The following IL19 variants were observed in gnomAD, a reference collection of about 807,000 sequenced individuals.
IL19 encodes interleukin 19.
Under a neutral mutation model 19.5 loss-of-function variants are expected in IL19, and 15 were observed. The observed-to-expected ratio is 0.77, with a 90% CI of 0.52 to 1.19. IL19 has a LOEUF of 1.19. Among genes scored for constraint, IL19 ranks in the 50% most tolerant of loss-of-function variants. The pLI is 0.00. For synonymous variants in IL19, 78 were observed against 78.3 expected (o/e 1.00, Z 0.02); for missense variants, 199 against 213.1 (o/e 0.93, Z 0.41).
chr1:206,774,175 C>G (rs976900665), intron 1 of IL19, among the ~76,000 whole-genome samples: 9 of 152,194 alleles, frequency 5.9e-5, no homozygotes, highest in African/African-American at 2.2e-4. Flanking sequence ...CCACGCCCAC[C>G]CTGTGGATGT....
intron 1 of IL19, among the ~76,000 whole-genome samples, chr1:206,791,075 G>T (rs1315211288): frequency 6.6e-6 from 1 of 152,212 alleles, no homozygotes; most frequent in African/African-American, 2.4e-5. Context: ...TGCTGATCAA[G>T]ATACGAAGAT....
intron 2 of IL19, among the ~76,000 whole-genome samples, chr1:206,815,622 T>A (rs1676136254): frequency 6.6e-6 from 1 of 152,164 alleles, no homozygotes; most frequent in Non-Finnish European, 1.5e-5. Flanking sequence ...GAGATTAACA[T>A]CAGCAAAATA....
chr1:206,771,177 C>A (rs1674824845), intron 1 of IL19, 99 bp downstream of exon 1: 1 of 1,272,460 alleles, frequency 7.9e-7, no homozygotes, highest in African/African-American at 1.5e-5. Flanking sequence ...CCAGAAGCCT[C>A]CCCGAAGGGA....
intron 1 of IL19, 88 bp downstream of exon 1, chr1:206,771,166 AC>A: frequency 1.5e-6 from 2 of 1,331,710 alleles, no homozygotes; most frequent in Non-Finnish European, 2.2e-6. Context: ...ATCCTCCTTC[AC>A]CAGAAGCCTC....
chr1:206,796,078 T>C (rs1675516134), intron 1 of IL19, among the ~76,000 whole-genome samples: 1 of 151,998 alleles, frequency 6.6e-6, no homozygotes, highest in Non-Finnish European at 1.5e-5. Context: ...CGAAGGCCAG[T>C]TGGAGAGTCC....
At chr1:206,826,195 G>C (rs1195106929) in intron 2 of IL19, among the ~76,000 whole-genome samples, 1 of 152,170 alleles carries the variant, frequency 6.6e-6, no homozygotes, top group Non-Finnish European at 1.5e-5. Flanking sequence ...ATTCCTAGAG[G>C]AATTGTACCT....
rs1316791210 is a variant in IL19, at chr1:206,795,925, A to ATGTG, written c.-148-2935_-148-2934insGTGT. Reference sequence around the variant, plus strand: ...AGAAACAGAACCAATATAAATATATATATGTGTGTGTGTGTGTGTGTGTGT... The same window carrying ATGTG: ...AGAAACAGAACCAATATAAATATATATGTGTATGTGTGTGTGTGTGTGTGTGTGT... On this transcript the variant is annotated intron_variant, in intron 1 of 6. Transcript: ENST00000659997. Among the ~76,000 whole-genome samples the ATGTG allele has an allele frequency of 8.9e-3, 1,171 of 132,292 alleles. 15 individuals carry two copies. The highest frequency in any genetic ancestry group is 0.028 in the African/African-American group (935 of 33,984). 86.8% of individuals were successfully genotyped at this position (132,292 alleles called of 152,430 possible).
intron 1 of IL19, among the ~76,000 whole-genome samples, chr1:206,792,317 T>C (rs1229329602): frequency 6.6e-6 from 1 of 152,140 alleles, no homozygotes; most frequent in African/African-American, 2.4e-5. Context: ...CTCATACCCC[T>C]CTGCCCCTCC....
chr1:206,841,051 C>CA lies in IL19; in HGVS notation c.412dup (p.Arg138LysfsTer5). 1 of 1,614,056 alleles carries CA rather than the reference C, an allele frequency of 6.2e-7. No individual in the cohort carries two copies. The highest frequency in any genetic ancestry group is 8.5e-7 in the Non-Finnish European group (1 of 1,179,910). ...GCAGGCAGGAAGCCACCAATGCCACCAGAGTCATCCATGACAACTATGATC... is the reference window on the plus strand; with the variant it reads ...GCAGGCAGGAAGCCACCAATGCCACCAAGAGTCATCCATGACAACTATGATC... On this transcript the variant is annotated frameshift_variant, in exon 6 of 7. Transcript: ENST00000659997. LOFTEE classifies it low-confidence loss of function (END_TRUNC).
At chr1:206,819,519 G>A (rs970830643) in intron 2 of IL19, among the ~76,000 whole-genome samples, 9 of 151,854 alleles carry the variant, frequency 5.9e-5, no homozygotes, top group African/African-American at 1.7e-4. Flanking sequence ...GGGAGGCGGA[G>A]GTTGCAGTGA....
At chr1:206,782,306 T>C (rs6686931) in intron 1 of IL19, among the ~76,000 whole-genome samples, 109,062 of 151,914 alleles carry the variant, frequency 0.72, 39,761 homozygotes, top group Non-Finnish European at 0.79. Context: ...ACAACTGCTC[T>C]TACATGCGGT....
chr1:206,821,323 A>C (rs1241959950), intron 2 of IL19, among the ~76,000 whole-genome samples: 1 of 152,254 alleles, frequency 6.6e-6, no homozygotes, highest in East Asian at 1.9e-4. Context: ...ACTGGACATA[A>C]GATTAAATGA....
rs182621062 is a variant in IL19 at position 206,793,554 on chromosome 1, C to T, written c.-148-5307C>T. 4.6e-5 allele frequency among the ~76,000 whole-genome samples: 7 copies of T among 152,332 alleles called. No individual in the cohort carries two copies. In the East Asian group the frequency reaches 1.4e-3, roughly 29 times the overall value. On this transcript the variant is annotated intron_variant, in intron 1 of 6. Transcript: ENST00000659997. Reference sequence around the variant, plus strand: ...TCTGTCAAGGTGCTGCTCGGAGAGTCAAAGAGGCTGCAGCAGGCAATCCCC... The same window carrying T: ...TCTGTCAAGGTGCTGCTCGGAGAGTTAAAGAGGCTGCAGCAGGCAATCCCC...
At chr1:206,835,327 G>C (rs899181113) in intron 2 of IL19, among the ~76,000 whole-genome samples, 1 of 152,226 alleles carries the variant, frequency 6.6e-6, no homozygotes, top group Non-Finnish European at 1.5e-5. Flanking sequence ...TAGCCAGAAA[G>C]AGAGGTTGAT....
chr1:206,781,414 C>CAAAAAAAAAAAAAAAAAA (rs57060549), intron 1 of IL19, among the ~76,000 whole-genome samples: 25 of 43,022 alleles, frequency 5.8e-4, no homozygotes, highest in African/African-American at 1.1e-3. Context: ...GACTCTGTCT[C>CAAAAAAAAAAAAAAAAAA]AAAAAAAAAA....
chr1:206,835,683 G>A (rs944819020), intron 2 of IL19, among the ~76,000 whole-genome samples: 1 of 152,286 alleles, frequency 6.6e-6, no homozygotes, highest in Non-Finnish European at 1.5e-5. Context: ...AGATCTCAGT[G>A]GGCACCATGC....
intron 2 of IL19, among the ~76,000 whole-genome samples, chr1:206,811,738 A>G (rs1220200970): frequency 2.0e-5 from 3 of 152,136 alleles, no homozygotes; most frequent in East Asian, 3.9e-4. Flanking sequence ...TAGCTTGCCA[A>G]CTAAAGTAAG....
At chr1:206,786,021 G>T (rs1292326640) in intron 1 of IL19, among the ~76,000 whole-genome samples, 2 of 152,042 alleles carry the variant, frequency 1.3e-5, no homozygotes, top group East Asian at 3.9e-4. Context: ...CTTGGGGTGG[G>T]GAAGTGAAAG....
chr1:206,782,454 G>C (rs1675170264), intron 1 of IL19, among the ~76,000 whole-genome samples: 1 of 152,178 alleles, frequency 6.6e-6, no homozygotes, highest in Non-Finnish European at 1.5e-5. Flanking sequence ...AGGACAAGTA[G>C]GAGGAGAATG....
Sources: gnomAD v4.1 joint callset for allele counts (sites outside exome capture counted in the v4.1 genomes callset) on GRCh38, gnomAD v4.1.1 for gene constraint, MANE v1.5 for transcripts, NCBI Gene and HGNC (gene_info 2026-07-23, HGNC 2026-07-21) for gene names.